SPATA17: variants seen among roughly 807,000 people sequenced by gnomAD.
SPATA17 encodes spermatogenesis associated 17.
A neutral mutation model predicts 62.2 loss-of-function variants in SPATA17; 53 were observed. The ratio of observed to expected loss-of-function variants is 0.85; its 90% CI spans 0.68 to 1.07. SPATA17 has a LOEUF of 1.07. Among genes scored for constraint, SPATA17 ranks in the 50% least tolerant of loss-of-function variants. The probability of loss-of-function intolerance (pLI) is 0.00; values close to 1 mark genes in which losing one functional copy is unlikely to be tolerated. For missense variants in SPATA17, 466 were observed against 425.5 expected, an observed-to-expected ratio of 1.10 and a Z score of -0.84; for synonymous variants, 146 against 146.8, an observed-to-expected ratio of 0.99 and a Z score of 0.04.
At position 217,870,097 on chromosome 1, in the gene SPATA17, A is replaced by G. The variant is rs1676101511; in HGVS notation, c.*3078A>G. On this transcript the variant is annotated 3_prime_UTR_variant, in exon 11 of 11. Transcript: ENST00000366933. ...CTTATAACAAAATAAATAATTGGCC[A>G]TCTTCATTGGATTGTGAAGCCATTT... The G allele has an allele frequency of 6.6e-6, 1 of 152,138 alleles. No homozygotes were observed. Among genetic ancestry groups the G allele is most frequent in the Non-Finnish European group, 1.5e-5 (1 of 68,040 alleles). The allele number at this position is 152,138 out of a possible 1,614,324, so 9.4% of individuals were successfully genotyped here.
At chr1:217,703,842 T>A (rs894265015) in intron 5 of SPATA17, among the ~76,000 whole-genome samples, 29 of 152,270 alleles carry the variant, frequency 1.9e-4, no homozygotes, top group African/African-American at 6.7e-4. Flanking sequence ...TTATTTATAT[T>A]TGTGCTAGGA....
At chr1:217,722,235 A>G (rs1469220384) in intron 5 of SPATA17, among the ~76,000 whole-genome samples, 1 of 152,168 alleles carries the variant, frequency 6.6e-6, no homozygotes, top group Admixed American at 6.5e-5. Flanking sequence ...CATTCCTACC[A>G]TCTTCTCAGT....
chr1:217,792,456 G>A (rs1674017808), intron 8 of SPATA17, among the ~76,000 whole-genome samples: 1 of 152,152 alleles, frequency 6.6e-6, no homozygotes, highest in Non-Finnish European at 1.5e-5. Flanking sequence ...ACCTTCATCT[G>A]CTTCTTTCTA....
At position 217,697,116 on chromosome 1, in the gene SPATA17, C is replaced by A. The variant is rs541703409; in HGVS notation, c.395+13755C>A. Among the ~76,000 whole-genome samples, 3 of 152,318 alleles carry A rather than the reference C, an allele frequency of 2.0e-5. No individual in the cohort carries two copies. The South Asian group carries it at 6.2e-4, about 32-fold the overall frequency. On this transcript the variant is annotated intron_variant, in intron 5 of 10. Transcript: ENST00000366933. Reference sequence around the variant, plus strand: ...CTCTGCCTCCTGGGTTCAAGTGATTCTCCTGCCTCAGCCTCCTGCGTAGCT... The same window carrying A: ...CTCTGCCTCCTGGGTTCAAGTGATTATCCTGCCTCAGCCTCCTGCGTAGCT...
Position 217,870,694 on chromosome 1 carries a change from C to T in SPATA17, c.*3675C>T, listed in dbSNP as rs1225406434. ...ACCACTAAAAACACTAAGAGTACCA[C>T]TGTGGATGTTTAAAAACATACACCC... On this transcript the variant is annotated 3_prime_UTR_variant, in exon 11 of 11. Coordinates refer to ENST00000366933, the MANE Select transcript of SPATA17 (RefSeq NM_138796.4). 1 of 152,174 alleles carries T rather than the reference C, an allele frequency of 6.6e-6. No individual in the cohort carries two copies. Among genetic ancestry groups the T allele is most frequent in the Non-Finnish European group, 1.5e-5 (1 of 68,030 alleles). The allele number at this position is 152,174 out of a possible 1,614,324, so 9.4% of individuals were successfully genotyped here. A position where few individuals can be genotyped will look rare whatever the true frequency, so the allele number is the denominator to read the frequency against.
chr1:217,822,305 T>C (rs1203690788), intron 9 of SPATA17, among the ~76,000 whole-genome samples: 1 of 152,042 alleles, frequency 6.6e-6, no homozygotes, highest in Admixed American at 6.6e-5. Flanking sequence ...ATTGTTTTGA[T>C]AACAATTTAT....
At chr1:217,715,579 C>A (rs1671982232) in intron 5 of SPATA17, among the ~76,000 whole-genome samples, 1 of 151,832 alleles carries the variant, frequency 6.6e-6, no homozygotes, top group Non-Finnish European at 1.5e-5. Flanking sequence ...GATCCCTAGG[C>A]AGCTCTGTCA....
chr1:217,770,990 T>A (rs1234803530), intron 6 of SPATA17, among the ~76,000 whole-genome samples: 6 of 125,052 alleles, frequency 4.8e-5, no homozygotes, highest in Non-Finnish European at 8.4e-5. Flanking sequence ...TTTTTTTTTT[T>A]TTTTTTTTTT....
intron 2 of SPATA17, among the ~76,000 whole-genome samples, chr1:217,649,711 T>TC (rs1670262773): frequency 1.3e-5 from 2 of 149,478 alleles, no homozygotes; most frequent in Admixed American, 1.3e-4. Flanking sequence ...CAGAAATTTG[T>TC]CCCTATCTTA....
At chr1:217,645,144 A>G (rs1670150905) in intron 1 of SPATA17, among the ~76,000 whole-genome samples, 1 of 152,152 alleles carries the variant, frequency 6.6e-6, no homozygotes, top group Non-Finnish European at 1.5e-5. Flanking sequence ...TAAGTTAACT[A>G]CTAGTTAATT....
At chr1:217,823,956 C>A (rs1364317854) in intron 9 of SPATA17, among the ~76,000 whole-genome samples, 1 of 151,928 alleles carries the variant, frequency 6.6e-6, no homozygotes, top group East Asian at 1.9e-4. Flanking sequence ...CACGGAATAA[C>A]TTTTTCCATG....
At chr1:217,834,200 A>G (rs1443187954) in intron 9 of SPATA17, among the ~76,000 whole-genome samples, 2 of 152,216 alleles carry the variant, frequency 1.3e-5, no homozygotes, top group Admixed American at 6.5e-5. Flanking sequence ...CCAGCCATAT[A>G]AAAGTATAGC....
chr1:217,631,993 G>C (rs1390252133), intron 1 of SPATA17, among the ~76,000 whole-genome samples: 1 of 152,074 alleles, frequency 6.6e-6, no homozygotes, highest in Admixed American at 6.6e-5. Context: ...GACCAACCAG[G>C]ACAACATGGT....
chr1:217,802,892 G>A (rs541259158), intron 9 of SPATA17, among the ~76,000 whole-genome samples: 11 of 152,036 alleles, frequency 7.2e-5, no homozygotes, highest in African/African-American at 2.7e-4. Flanking sequence ...TAAATCATAG[G>A]AACATGACAA....
chr1:217,660,520 A>T (rs1400403559), intron 3 of SPATA17, among the ~76,000 whole-genome samples: 3 of 152,208 alleles, frequency 2.0e-5, no homozygotes, highest in African/African-American at 7.2e-5. Context: ...ATTCTTGTTC[A>T]AAATTAGTCA....
chr1:217,726,554 T>A (rs908979992), intron 5 of SPATA17, among the ~76,000 whole-genome samples: 2 of 152,194 alleles, frequency 1.3e-5, no homozygotes, highest in Non-Finnish European at 2.9e-5. Flanking sequence ...ACACTGATTT[T>A]GTGATTAAGG....
chr1:217,768,902 T>C (rs1673368050), intron 6 of SPATA17, among the ~76,000 whole-genome samples: 1 of 152,200 alleles, frequency 6.6e-6, no homozygotes, highest in Non-Finnish European at 1.5e-5. Flanking sequence ...CGCTTACTAC[T>C]GGCTAGTTAT....
intron 8 of SPATA17, among the ~76,000 whole-genome samples, 195 bp from the exon 9 acceptor site, chr1:217,801,523 C>T (rs769043317): frequency 2.0e-5 from 3 of 151,972 alleles, no homozygotes; most frequent in Non-Finnish European, 4.4e-5. Context: ...TCTCTATTTG[C>T]AGAATAGAAA....
At chr1:217,726,976 G>C (rs1343585303) in intron 5 of SPATA17, among the ~76,000 whole-genome samples, 1 of 151,802 alleles carries the variant, frequency 6.6e-6, no homozygotes, top group Non-Finnish European at 1.5e-5. Context: ...GTCGGGGAGC[G>C]GTGGCTTACG....
Sources: gnomAD v4.1 joint callset for allele counts (sites outside exome capture counted in the v4.1 genomes callset) on GRCh38, gnomAD v4.1.1 for gene constraint, MANE v1.5 for transcripts, NCBI Gene and HGNC (gene_info 2026-07-23, HGNC 2026-07-21) for gene names.